BMPR1B: variants seen among roughly 807,000 people sequenced by gnomAD.
BMPR1B encodes bone morphogenetic protein receptor type 1B.
BMPR1B carries 12 observed loss-of-function variants against 59.1 expected under a neutral mutation model. That is an observed-to-expected ratio of 0.20 (90% CI 0.13 to 0.33). BMPR1B has a LOEUF of 0.33. Ranked by LOEUF, BMPR1B falls within the 10% of genes least tolerant of loss-of-function variation. The pLI is 1.00. For synonymous variants in BMPR1B, 237 were observed against 207.3 expected, an observed-to-expected ratio of 1.14 and a Z score of -1.23; for missense variants, 550 against 610.9, an observed-to-expected ratio of 0.90 and a Z score of 1.05.
intron 2 of BMPR1B, among the ~76,000 whole-genome samples, chr4:94,973,994 A>G (rs1730913559): frequency 6.6e-6 from 1 of 152,232 alleles, no homozygotes; most frequent in Admixed American, 6.5e-5. Context: ...ATTGCTTTCC[A>G]GAATGTTTAT....
At chr4:94,938,168 C>G (rs1168725306) in intron 2 of BMPR1B, among the ~76,000 whole-genome samples, 1 of 152,152 alleles carries the variant, frequency 6.6e-6, no homozygotes, top group African/African-American at 2.4e-5. Context: ...GTCATCTCCT[C>G]TCCACTCTTC....
chr4:94,966,062 C>T (rs1399661418), intron 2 of BMPR1B, among the ~76,000 whole-genome samples: 1 of 152,114 alleles, frequency 6.6e-6, no homozygotes, highest in Non-Finnish European at 1.5e-5. Context: ...TTTGCATACC[C>T]TTAGTTTAAA....
intron 2 of BMPR1B, among the ~76,000 whole-genome samples, chr4:94,878,106 G>A (rs889558635): frequency 6.6e-6 from 1 of 152,052 alleles, no homozygotes; most frequent in African/African-American, 2.4e-5. Context: ...ATTCCTGACC[G>A]TGGAATAATT....
intron 3 of BMPR1B, among the ~76,000 whole-genome samples, chr4:95,002,378 T>A (rs1722511510): frequency 6.6e-6 from 1 of 152,194 alleles, no homozygotes; most frequent in Non-Finnish European, 1.5e-5. Flanking sequence ...ATCCATCCAC[T>A]GTTGATTGTC....
At chr4:95,088,424 GA>G (rs1214637158) in intron 3 of BMPR1B, among the ~76,000 whole-genome samples, 1 of 152,050 alleles carries the variant, frequency 6.6e-6, no homozygotes, top group Non-Finnish European at 1.5e-5. Flanking sequence ...TGTGAAATGA[GA>G]AGAGAAATAT....
chr4:94,975,601 G>A (rs1009683911), intron 2 of BMPR1B, among the ~76,000 whole-genome samples: 3 of 151,608 alleles, frequency 2.0e-5, no homozygotes, highest in Admixed American at 1.3e-4. Context: ...GCCAAGGCTG[G>A]TTTTGGACTC....
chr4:95,052,100 A>G (rs1417194595), intron 3 of BMPR1B, among the ~76,000 whole-genome samples: 1 of 152,216 alleles, frequency 6.6e-6, no homozygotes, highest in Non-Finnish European at 1.5e-5. Context: ...GAAAACAGCT[A>G]TTCTAACAAA....
chr4:94,998,708 C>A (rs1226686437), intron 3 of BMPR1B, among the ~76,000 whole-genome samples: 1 of 152,094 alleles, frequency 6.6e-6, no homozygotes, highest in East Asian at 1.9e-4. Flanking sequence ...ATCTTCCACC[C>A]TGATGAACCC....
At chr4:94,924,672 C>G (rs2149028103) in intron 2 of BMPR1B, among the ~76,000 whole-genome samples, 1 of 152,236 alleles carries the variant, frequency 6.6e-6, no homozygotes, top group Middle Eastern at 3.4e-3. Context: ...AAGCTGACTT[C>G]ACATCATGTG....
chr4:95,101,998 T>G (rs1233664550), intron 3 of BMPR1B, among the ~76,000 whole-genome samples: 1 of 152,166 alleles, frequency 6.6e-6, no homozygotes, highest in Non-Finnish European at 1.5e-5. Context: ...AAACCAAAAA[T>G]TATACTATAA....
intron 2 of BMPR1B, among the ~76,000 whole-genome samples, chr4:94,945,775 A>T (rs572126512): frequency 3.2e-4 from 49 of 152,320 alleles, no homozygotes; most frequent in African/African-American, 1.0e-3. Context: ...TTTGTGTAAT[A>T]ATAAAGCAAA....
intron 3 of BMPR1B, among the ~76,000 whole-genome samples, chr4:95,057,398 C>T (rs905721702): frequency 3.9e-5 from 6 of 152,084 alleles, no homozygotes; most frequent in African/African-American, 1.2e-4. Flanking sequence ...GCACACGCCA[C>T]CACGCCCAGC....
intron 2 of BMPR1B, among the ~76,000 whole-genome samples, chr4:94,975,939 T>C (rs770699906): frequency 2.6e-5 from 4 of 152,226 alleles, no homozygotes; most frequent in Non-Finnish European, 5.9e-5. Flanking sequence ...TTGAAATCCA[T>C]AGTGGCTTAA....
intron 2 of BMPR1B, among the ~76,000 whole-genome samples, chr4:94,944,300 A>C (rs2149047146): frequency 6.6e-6 from 1 of 152,250 alleles, no homozygotes; most frequent in East Asian, 1.9e-4. Flanking sequence ...AGAAATTCTC[A>C]CTTGGAAATT....
intron 10 of BMPR1B, among the ~76,000 whole-genome samples, chr4:95,134,855 C>G (rs1413831916): frequency 6.6e-6 from 1 of 152,128 alleles, no homozygotes; most frequent in Non-Finnish European, 1.5e-5. Flanking sequence ...TGCAGAAGCT[C>G]TTTAGTTTAA....
At chr4:94,918,450 G>A (rs1728568481) in intron 2 of BMPR1B, among the ~76,000 whole-genome samples, 1 of 152,134 alleles carries the variant, frequency 6.6e-6, no homozygotes, top group Non-Finnish European at 1.5e-5. Context: ...GCTGAAGTGT[G>A]AAGATCACTT....
intron 2 of BMPR1B, among the ~76,000 whole-genome samples, chr4:94,907,052 G>A (rs1297157682): frequency 6.6e-6 from 1 of 151,962 alleles, no homozygotes; most frequent in East Asian, 1.9e-4. Context: ...GCATAAATGT[G>A]TACATCACAG....
At chr4:94,818,227 G>C (rs958446950) in intron 1 of BMPR1B, among the ~76,000 whole-genome samples, 1 of 152,086 alleles carries the variant, frequency 6.6e-6, no homozygotes, top group Non-Finnish European at 1.5e-5. Context: ...TTTTAGTTTA[G>C]TATTCTAGGA....
At chr4:94,788,919 G>C (rs924299113) in intron 1 of BMPR1B, among the ~76,000 whole-genome samples, 1 of 152,150 alleles carries the variant, frequency 6.6e-6, no homozygotes, top group African/African-American at 2.4e-5. Context: ...TTGTCTGCTT[G>C]CTTCTGCCAT....
Sources: allele counts gnomAD v4.1 joint callset (sites outside exome capture counted in the v4.1 genomes callset), GRCh38; gene constraint gnomAD v4.1.1; transcripts MANE v1.5; gene names NCBI Gene and HGNC (gene_info 2026-07-23, HGNC 2026-07-21).